The following WDR37 variants were observed in gnomAD, a reference collection of about 807,000 sequenced individuals.
The protein encoded by WDR37 is WD repeat domain 37.
A neutral mutation model predicts 62.9 loss-of-function variants in WDR37; 19 were observed. That is an observed-to-expected ratio of 0.30 (90% CI 0.21 to 0.44). The LOEUF is 0.44. Ranked by LOEUF, WDR37 falls within the 20% of genes least tolerant of loss-of-function variation. The pLI is 1.00. For missense variants in WDR37, 474 were observed against 657.6 expected (o/e 0.72, Z 3.05); for synonymous variants, 250 against 260.9 (o/e 0.96, Z 0.40).
In WDR37 at chr10:1,129,694, G is replaced by GACCACC; in HGVS notation, c.*350_*351insACCACC. On this transcript the variant is annotated 3_prime_UTR_variant, in exon 14 of 14. Transcript: ENST00000263150. ...AATGTGAACTTCTGTATTACGTTGC[G>GACCACC]GCGTCGGCAGTCCTGCGTTCCCTGG... is the stretch of plus-strand genomic sequence containing the variant. The GACCACC allele has an allele frequency of 5.7e-6, 1 of 176,528 alleles. No individual in the cohort carries two copies. Among genetic ancestry groups the GACCACC allele is most frequent in the South Asian group, 1.2e-4 (1 of 8,106 alleles). The allele number at this position is 176,528 out of a possible 1,614,324, so 10.9% of individuals were successfully genotyped here.
chr10:1,072,095 G>T, intron 1 of WDR37, 21 bp from the exon 2 acceptor site: 1 of 1,581,902 alleles, frequency 6.3e-7, no homozygotes, highest in Non-Finnish European at 8.6e-7. Flanking sequence ...CAGAAACACT[G>T]TTTTTTCTTG....
At chr10:1,071,391 A>G (rs1409189558) in intron 1 of WDR37, among the ~76,000 whole-genome samples, 1 of 152,236 alleles carries the variant, frequency 6.6e-6, no homozygotes, top group African/African-American at 2.4e-5. Flanking sequence ...GAAAGAAGAT[A>G]TGTGTGTAAA....
In WDR37 at chr10:1,103,652, C is replaced by G; in HGVS notation, c.777C>G (p.Leu259=). ...VECSDKDEPD[L]DGDVSSDCPT... ...GCTCTGACAAGGACGAGCCCGACCTCGATGGGGATGTGTCCAGCGACTGCC... is the reference window on the plus strand; with the variant it reads ...GCTCTGACAAGGACGAGCCCGACCTGGATGGGGATGTGTCCAGCGACTGCC... The change falls in exon 10 of 14, where the codon CTC becomes CTG. Residue 259 remains leucine, a synonymous_variant. Transcript: ENST00000263150. The surrounding 1 kb of genome is among the most constrained non-coding windows in gnomAD (Gnocchi z 6.3). 1 of 1,614,232 alleles carries G rather than the reference C, an allele frequency of 6.2e-7. No homozygotes were observed. Among genetic ancestry groups the G allele is most frequent in the Non-Finnish European group, 8.5e-7 (1 of 1,180,044 alleles).
rs1835562547 is a variant in WDR37, at chr10:1,121,051, C to T, written c.1104-3167C>T. Among the ~76,000 whole-genome samples, 2 of 152,236 alleles carry T rather than the reference C, an allele frequency of 1.3e-5. No individual in the cohort carries two copies. The highest frequency in any genetic ancestry group is 4.1e-4 in the South Asian group (2 of 4,836). On this transcript the variant is annotated intron_variant, in intron 11 of 13. Coordinates refer to ENST00000263150, the MANE Select transcript of WDR37 (RefSeq NM_014023.4). This position sits in a 1 kb window ranked among gnomAD's most constrained non-coding sequence, Gnocchi z 4.5. ...GATAAATGAGTTTGCCGGAGTTTGG[C>T]AGCGTCGGAACCATTTCCAGTGCAC...
At chr10:1,066,608 T>A (rs1432013244) in intron 1 of WDR37, among the ~76,000 whole-genome samples, 1 of 152,152 alleles carries the variant, frequency 6.6e-6, no homozygotes, top group Non-Finnish European at 1.5e-5. Flanking sequence ...TATTCAAAAA[T>A]GTAAAAGGAA....
chr10:1,064,213 T>C (rs1174384260), intron 1 of WDR37, among the ~76,000 whole-genome samples: 3 of 152,180 alleles, frequency 2.0e-5, no homozygotes, highest in African/African-American at 7.2e-5. Context: ...CAAAAGAAGC[T>C]GTCAATTTGA....
At chr10:1,102,543 G>A (rs1564507659) in intron 9 of WDR37, among the ~76,000 whole-genome samples, 1 of 152,026 alleles carries the variant, frequency 6.6e-6, no homozygotes. Context: ...AGCAGAAGGC[G>A]AAGCGGGAGA....
intron 11 of WDR37, among the ~76,000 whole-genome samples, chr10:1,116,194 C>G (rs1191914859): frequency 1.3e-5 from 2 of 151,820 alleles, no homozygotes; most frequent in East Asian, 3.9e-4. Flanking sequence ...TCCACCCCAC[C>G]CTGGGTTGTC....
At position 1,103,952 on chromosome 10, in the gene WDR37, C is replaced by A; in HGVS notation, c.961+116C>A. 9.8e-7 allele frequency: 1 copy of A among 1,018,548 alleles called. No homozygotes were observed. The highest frequency in any genetic ancestry group is 2.6e-5 in the East Asian group (1 of 38,050). The allele number at this position is 1,018,548 out of a possible 1,614,324, so 63.1% of individuals were successfully genotyped here. A position where few individuals can be genotyped will look rare whatever the true frequency, so the allele number is the denominator to read the frequency against. ...CCAGAATGAGTCTCTGTGTTCTTGGCTCTTCTGTGGTAATTTTTGGAGATT... is the reference window on the plus strand; with the variant it reads ...CCAGAATGAGTCTCTGTGTTCTTGGATCTTCTGTGGTAATTTTTGGAGATT... On this transcript the variant is annotated intron_variant, in intron 10 of 13. Transcript: ENST00000263150. This position sits in a 1 kb window ranked among gnomAD's most constrained non-coding sequence, Gnocchi z 6.3.
In WDR37 at chr10:1,100,921, T is replaced by G. The variant is rs1834774431; in HGVS notation, c.727-2681T>G. ...TGAGCCTCGGGCCCCCCGTCCCGAC[T>G]GAGCTGCACGTGCCACCCTGAACTT... On this transcript the variant is annotated intron_variant, in intron 9 of 13. Transcript: ENST00000263150. 2.0e-5 allele frequency among the ~76,000 whole-genome samples: 3 copies of G among 152,232 alleles called. No homozygotes were observed. In the South Asian group the frequency reaches 6.2e-4, roughly 32 times the overall value.
chr10:1,073,293 T>C (rs1833778592), intron 2 of WDR37, among the ~76,000 whole-genome samples: 1 of 152,226 alleles, frequency 6.6e-6, no homozygotes. Flanking sequence ...TGTAGGAAGA[T>C]AAAGCTTAAA....
intron 1 of WDR37, among the ~76,000 whole-genome samples, chr10:1,067,876 G>T (rs1833601828): frequency 6.6e-6 from 1 of 151,994 alleles, no homozygotes; most frequent in South Asian, 2.1e-4. Context: ...CACACACTCT[G>T]CAATACCATT....
rs1467906051 is a variant in WDR37, at chr10:1,056,640, G to C, written c.-369G>C. ...GGAGTACGTGACCAAGGGTGGGGGC[G>C]TTGGCCCAGCAGCCGAAGGGGTCTT... On this transcript the variant is annotated 5_prime_UTR_variant, in exon 1 of 14. Coordinates refer to ENST00000263150, the MANE Select transcript of WDR37 (RefSeq NM_014023.4). 6.6e-6 allele frequency: 1 copy of C among 152,248 alleles called. No homozygotes were observed. The highest frequency in any genetic ancestry group is 1.5e-5 in the Non-Finnish European group (1 of 68,050). The allele number at this position is 152,248 out of a possible 1,614,324, so 9.4% of individuals were successfully genotyped here.
At chr10:1,069,299 T>G (rs1833647701) in intron 1 of WDR37, among the ~76,000 whole-genome samples, 1 of 149,700 alleles carries the variant, frequency 6.7e-6, no homozygotes, top group Non-Finnish European at 1.5e-5. Context: ...AATGAGAACT[T>G]AGGTTCACAT....
chr10:1,070,545 T>A (rs752863550), intron 1 of WDR37, among the ~76,000 whole-genome samples: 1 of 152,218 alleles, frequency 6.6e-6, no homozygotes, highest in Non-Finnish European at 1.5e-5. Flanking sequence ...TGATTTCTAC[T>A]GTTTTATTTA....
chr10:1,072,039 A>G (rs1422026777), intron 1 of WDR37, 77 bp from the exon 2 acceptor site: 8 of 1,173,386 alleles, frequency 6.8e-6, no homozygotes, highest in African/African-American at 6.2e-5. Context: ...ATTAGAAGTC[A>G]TCATTATCTT....
intron 1 of WDR37, among the ~76,000 whole-genome samples, chr10:1,063,271 A>G (rs1833429439): frequency 6.6e-6 from 1 of 152,214 alleles, no homozygotes; most frequent in African/African-American, 2.4e-5. Context: ...GGCCCAAGAA[A>G]AGCCTGCTCT....
intron 7 of WDR37, 147 bp from the exon 8 acceptor site, chr10:1,093,305 T>C (rs1834462990): frequency 1.5e-6 from 1 of 659,868 alleles, no homozygotes; most frequent in Non-Finnish European, 2.6e-6. Flanking sequence ...ATTCACACAT[T>C]TATTTATAAC....
chr10:1,077,223 C>G (rs1490158596), intron 2 of WDR37, among the ~76,000 whole-genome samples: 1 of 152,030 alleles, frequency 6.6e-6, no homozygotes, highest in Admixed American at 6.5e-5. Context: ...GTGCTCAGGA[C>G]CTGCTTACTT....
Sources: allele counts gnomAD v4.1 joint callset (sites outside exome capture counted in the v4.1 genomes callset), GRCh38; gene constraint gnomAD v4.1.1; non-coding constraint Gnocchi (gnomAD v3.1); transcripts MANE v1.5; gene names NCBI Gene and HGNC (gene_info 2026-07-23, HGNC 2026-07-21).